Variants in GAS7 observed in about 807,000 individuals in gnomAD.
GAS7 encodes growth arrest specific 7, also known as growth arrest-specific protein 7.
A neutral mutation model predicts 71.1 loss-of-function variants in GAS7; 28 were observed. The observed-to-expected ratio is 0.39, with a 90% confidence interval of 0.29 to 0.54. GAS7 has a LOEUF of 0.54. GAS7 is among the 20% of genes least tolerant of loss of function. The pLI is 0.62. For synonymous variants in GAS7, 258 were observed against 245.8 expected (o/e 1.05, Z -0.46); for missense variants, 436 against 627.8 (o/e 0.69, Z 3.27).
intron 1 of GAS7, among the ~76,000 whole-genome samples, chr17:10,047,168 G>A (rs1379564391): frequency 6.6e-6 from 1 of 152,184 alleles, no homozygotes; most frequent in Non-Finnish European, 1.5e-5. Flanking sequence ...AAGGGGCGTG[G>A]GAGGGGTGCT....
intron 1 of GAS7, among the ~76,000 whole-genome samples, chr17:10,161,790 T>C (rs2074257937): frequency 6.6e-6 from 1 of 151,854 alleles, no homozygotes; most frequent in Non-Finnish European, 1.5e-5. Context: ...CCAGGCCGGG[T>C]GCGGTGGCTC....
chr17:10,150,339 C>T (rs973503620), intron 1 of GAS7, among the ~76,000 whole-genome samples: 3 of 151,874 alleles, frequency 2.0e-5, no homozygotes, highest in African/African-American at 4.8e-5. Flanking sequence ...TTCTCCCTTC[C>T]GCCCATTCCC....
chr17:10,056,359 A>T (rs957068872), intron 1 of GAS7, among the ~76,000 whole-genome samples: 2 of 151,826 alleles, frequency 1.3e-5, no homozygotes, highest in Non-Finnish European at 2.9e-5. Flanking sequence ...GCCAGGCATG[A>T]TGGTGCACAC....
At chr17:10,177,091 A>G (rs2074378767) in intron 1 of GAS7, among the ~76,000 whole-genome samples, 1 of 152,196 alleles carries the variant, frequency 6.6e-6, no homozygotes, top group South Asian at 2.1e-4. Flanking sequence ...TAAATAAGGC[A>G]TCGCAGTCCC....
At chr17:9,973,726 G>A (rs530045346) in intron 3 of GAS7, among the ~76,000 whole-genome samples, 2 of 152,258 alleles carry the variant, frequency 1.3e-5, no homozygotes, top group South Asian at 4.1e-4. Flanking sequence ...ATGGTTTGAT[G>A]GGCAAATTCA....
At chr17:10,036,910 C>T (rs1168450932) in intron 1 of GAS7, among the ~76,000 whole-genome samples, 2 of 152,336 alleles carry the variant, frequency 1.3e-5, no homozygotes, top group Admixed American at 6.5e-5. Context: ...GTGTTTTAGG[C>T]GGGACTTCCT....
At chr17:10,045,517 T>G (rs1407145033) in intron 1 of GAS7, among the ~76,000 whole-genome samples, 1 of 152,046 alleles carries the variant, frequency 6.6e-6, no homozygotes, top group Non-Finnish European at 1.5e-5. Flanking sequence ...GCCAACATGG[T>G]GAAACCCCGT....
intron 2 of GAS7, among the ~76,000 whole-genome samples, chr17:9,983,565 T>C (rs1002717796): frequency 6.6e-6 from 1 of 151,550 alleles, no homozygotes; most frequent in Non-Finnish European, 1.5e-5. Flanking sequence ...GGCGGGTGGA[T>C]CACTTGAGGT....
At chr17:9,991,455 T>C (rs927609540) in intron 2 of GAS7, among the ~76,000 whole-genome samples, 2 of 152,114 alleles carry the variant, frequency 1.3e-5, no homozygotes, top group African/African-American at 4.8e-5. Context: ...GTGTTACTGA[T>C]GGGATGAAGC....
intron 1 of GAS7, among the ~76,000 whole-genome samples, chr17:10,167,078 A>T: frequency 1.6e-5 from 1 of 61,560 alleles, no homozygotes; most frequent in East Asian, 5.1e-4. Context: ...TTTTTTTGAG[A>T]CAGAGTTTCA....
chr17:9,912,808 C>G lies in GAS7; in HGVS notation c.*4420G>C, dbSNP rs914958545. The stretch of plus-strand genomic sequence containing the variant: ...TTGAAGACCCTGGGCCAAGAACTTC[C>G]AGGGCGAAAGGCTCAGTGTAAAAAT... On this transcript the variant is annotated 3_prime_UTR_variant, in exon 14 of 14. Coordinates refer to ENST00000432992, the MANE Select transcript of GAS7 (RefSeq NM_201433.2). 1.7e-5 allele frequency: 4 copies of G among 232,506 alleles called. No individual in the cohort carries two copies. Among genetic ancestry groups the G allele is most frequent in the Non-Finnish European group, 3.4e-5 (4 of 117,662 alleles). 14.4% of individuals were successfully genotyped at this position (232,506 alleles called of 1,614,324 possible).
intron 1 of GAS7, among the ~76,000 whole-genome samples, chr17:10,063,298 G>C (rs2073240715): frequency 6.6e-6 from 1 of 151,950 alleles, no homozygotes; most frequent in Admixed American, 6.6e-5. Context: ...TTGTGTGTCT[G>C]TGTGTGTGTG....
Position 9,958,918 on chromosome 17 carries a change from C to A in GAS7, c.525+284G>T, listed in dbSNP as rs149816152. 34 of 1,322,002 alleles carry A rather than the reference C, an allele frequency of 2.6e-5. No individual in the cohort carries two copies. The East Asian group carries it at 8.1e-4, about 32-fold the overall frequency. 81.9% of individuals were successfully genotyped at this position (1,322,002 alleles called of 1,614,324 possible). ...CCACCCCCTTCAACCCACTCCCGCA[C>A]GCATACCTTCCCCTCCTGCCCTGAA... On this transcript the variant is annotated intron_variant, in intron 5 of 13. Transcript: ENST00000432992.
intron 1 of GAS7, among the ~76,000 whole-genome samples, chr17:10,163,808 T>C (rs537519109): frequency 6.6e-6 from 1 of 152,246 alleles, no homozygotes; most frequent in African/African-American, 2.4e-5. Flanking sequence ...TACATACCTC[T>C]TTCTATCTGG....
At position 10,056,364 on chromosome 17, in the gene GAS7, G is replaced by A. The variant is rs544995268; in HGVS notation, c.184-36467C>T. ...TTTAAAATTAGCCAGGCATGATGGT[G>A]CACACCTGTAGTCCCAGCTACTCAG... On this transcript the variant is annotated intron_variant, in intron 1 of 13. Transcript: ENST00000432992. Among the ~76,000 whole-genome samples the A allele has an allele frequency of 1.2e-4, 19 of 152,192 alleles. No individual in the cohort carries two copies. In the South Asian group the frequency reaches 2.1e-3, roughly 17 times the overall value.
At chr17:10,192,846 G>A (rs890147045) in intron 1 of GAS7, among the ~76,000 whole-genome samples, 1 of 152,122 alleles carries the variant, frequency 6.6e-6, no homozygotes, top group Non-Finnish European at 1.5e-5. Flanking sequence ...TACCAAGGAG[G>A]AGGGTGATTT....
rs369267621 is a variant in GAS7 at position 10,146,710 on chromosome 17, C to T, written c.183+51498G>A. ...AACAGCGTAAAGATCTCTGGCCGGG[C>T]GCGGTGGCTCACACCTGTAATCCCA... On this transcript the variant is annotated intron_variant, in intron 1 of 13. Transcript: ENST00000432992. 5.3e-5 allele frequency among the ~76,000 whole-genome samples: 8 copies of T among 152,256 alleles called. 1 individual carries two copies. The South Asian group carries it at 8.3e-4, about 16-fold the overall frequency.
intron 2 of GAS7, among the ~76,000 whole-genome samples, chr17:10,012,526 G>C (rs113363174): frequency 0.1 from 15,232 of 152,148 alleles, 876 homozygotes; most frequent in African/African-American, 0.16. Context: ...GGGCTCAAGT[G>C]ATCTGCCCAC....
At position 9,969,989 on chromosome 17, in the gene GAS7, T is replaced by A. The variant is rs536812977; in HGVS notation, c.386-227A>T. Reference sequence around the variant, plus strand: ...CCAAATTACTGAATTCTTAGGGGACTGAGTTTCTTTTTTAACCCGAGAGCA... The same window carrying A: ...CCAAATTACTGAATTCTTAGGGGACAGAGTTTCTTTTTTAACCCGAGAGCA... On this transcript the variant is annotated intron_variant, in intron 3 of 13. Transcript: ENST00000432992. This position sits in a 1 kb window ranked among gnomAD's most constrained non-coding sequence, Gnocchi z 5.5. Among the ~76,000 whole-genome samples the A allele has an allele frequency of 6.6e-6, 1 of 152,186 alleles. No homozygotes were observed. Among genetic ancestry groups the A allele is most frequent in the Non-Finnish European group, 1.5e-5 (1 of 68,026 alleles).
Sources: gnomAD v4.1 joint callset for allele counts (sites outside exome capture counted in the v4.1 genomes callset) on GRCh38, gnomAD v4.1.1 for gene constraint, Gnocchi (gnomAD v3.1) non-coding constraint, MANE v1.5 for transcripts, NCBI Gene and HGNC (gene_info 2026-07-23, HGNC 2026-07-21) for gene names.